Variants in LCLAT1 observed in about 807,000 individuals in gnomAD.
LCLAT1 encodes lysocardiolipin acyltransferase 1.
LCLAT1 carries 11 observed loss-of-function variants against 30.7 expected under a neutral mutation model. The observed-to-expected ratio is 0.36, with a 90% CI of 0.23 to 0.59. The LOEUF (loss-of-function observed/expected upper bound fraction) is 0.59, where lower values mean the gene tolerates loss of function less well. LCLAT1 is among the 20% of genes least tolerant of loss of function. The pLI, the probability that LCLAT1 is intolerant of heterozygous loss-of-function variation, is 0.77. For synonymous variants in LCLAT1, 155 were observed against 151.3 expected (o/e 1.02, Z -0.18); for missense variants, 402 against 458.6 (o/e 0.88, Z 1.13).
At chr2:30,481,492 G>A (rs1683320742) in intron 1 of LCLAT1, among the ~76,000 whole-genome samples, 1 of 152,098 alleles carries the variant, frequency 6.6e-6, no homozygotes, top group Admixed American at 6.6e-5. Context: ...CCAACTAGGA[G>A]AGAAGGATCA....
At chr2:30,481,240 A>C (rs1683305179) in intron 1 of LCLAT1, among the ~76,000 whole-genome samples, 1 of 152,238 alleles carries the variant, frequency 6.6e-6, no homozygotes, top group Admixed American at 6.5e-5. Flanking sequence ...AAGGCTTTTA[A>C]ACTGGGAAAT....
At chr2:30,611,135 C>G (rs1667718004) in intron 5 of LCLAT1, among the ~76,000 whole-genome samples, 1 of 140,108 alleles carries the variant, frequency 7.1e-6, no homozygotes, top group Non-Finnish European at 1.6e-5. Flanking sequence ...CATTTTTCTT[C>G]TGGCCTTTTT....
rs1328911153 is a variant in LCLAT1, at chr2:30,640,429, A to T, written c.941A>T (p.Tyr314Phe). The T allele has an allele frequency of 1.2e-6, 2 of 1,614,038 alleles. No homozygotes were observed. Among genetic ancestry groups the T allele is most frequent in the Non-Finnish European group, 1.7e-6 (2 of 1,180,030 alleles). ...GTGGTCAAATTGCTCTCTATACTGT[A>T]TTGGACCCTGTTCAGCCCTGCAATG... Reference protein sequence around the residue: ...VLVVKLLSILYWTLFSPAMCL... With the variant: ...VLVVKLLSILFWTLFSPAMCL... The change falls in exon 6 of 6, where the codon TAT becomes TTT. Residue 314 changes from tyrosine (Y) to phenylalanine (F), a missense_variant. Transcript: ENST00000379509.
intron 3 of LCLAT1, among the ~76,000 whole-genome samples, chr2:30,533,998 G>A (rs1364494593): frequency 1.3e-5 from 2 of 152,082 alleles, no homozygotes; most frequent in South Asian, 4.1e-4. Flanking sequence ...TTATTCACAT[G>A]GGTATATGAA....
At chr2:30,535,258 C>A (rs901374010) in intron 3 of LCLAT1, among the ~76,000 whole-genome samples, 1 of 152,154 alleles carries the variant, frequency 6.6e-6, no homozygotes, top group Admixed American at 6.5e-5. Flanking sequence ...CATAAGTGTT[C>A]AATTGATTTA....
chr2:30,449,815 C>A (rs1325567100), intron 1 of LCLAT1, among the ~76,000 whole-genome samples: 1 of 152,128 alleles, frequency 6.6e-6, no homozygotes, highest in Non-Finnish European at 1.5e-5. Context: ...TGACTAATTT[C>A]TATCAGGAAG....
At chr2:30,593,309 C>T (rs1156688374) in intron 5 of LCLAT1, among the ~76,000 whole-genome samples, 1 of 148,808 alleles carries the variant, frequency 6.7e-6, no homozygotes, top group Non-Finnish European at 1.5e-5. Context: ...CCCATTCATC[C>T]GTTGATAGAC....
chr2:30,456,934 A>C (rs1681867798), intron 1 of LCLAT1, among the ~76,000 whole-genome samples: 1 of 152,210 alleles, frequency 6.6e-6, no homozygotes, highest in Non-Finnish European at 1.5e-5. Flanking sequence ...AAGAAAATAC[A>C]GGGTGGAAAT....
intron 1 of LCLAT1, among the ~76,000 whole-genome samples, chr2:30,471,412 G>A (rs576593191): frequency 2.0e-5 from 3 of 151,320 alleles, no homozygotes; most frequent in Non-Finnish European, 4.4e-5. Flanking sequence ...GTTTCGCCAT[G>A]TTGCCCAGGC....
chr2:30,534,190 G>C (rs1278067965), intron 3 of LCLAT1, among the ~76,000 whole-genome samples: 1 of 151,134 alleles, frequency 6.6e-6, no homozygotes, highest in East Asian at 1.9e-4. Flanking sequence ...AGTAAGGATA[G>C]ACTAGCAAGG....
intron 1 of LCLAT1, among the ~76,000 whole-genome samples, chr2:30,517,456 C>T (rs1450101881): frequency 1.3e-5 from 2 of 152,194 alleles, no homozygotes; most frequent in Non-Finnish European, 2.9e-5. Flanking sequence ...GCTCTCCTCC[C>T]CCAATTTCTA....
chr2:30,469,842 T>C (rs1168697132), intron 1 of LCLAT1, among the ~76,000 whole-genome samples: 1 of 152,002 alleles, frequency 6.6e-6, no homozygotes, highest in Non-Finnish European at 1.5e-5. Flanking sequence ...ATCCACCTGC[T>C]TCGGCCTCCC....
chr2:30,475,241 C>A (rs888012082), intron 1 of LCLAT1, among the ~76,000 whole-genome samples: 2 of 152,050 alleles, frequency 1.3e-5, no homozygotes, highest in Non-Finnish European at 2.9e-5. Flanking sequence ...TCAAGTGATA[C>A]TTCTGTCTCA....
chr2:30,540,682 G>A (rs935387285), intron 3 of LCLAT1, among the ~76,000 whole-genome samples: 1 of 92,728 alleles, frequency 1.1e-5, no homozygotes, highest in Non-Finnish European at 2.2e-5. Flanking sequence ...TTTTTTTTTT[G>A]AGACAAAGTC....
At position 30,562,044 on chromosome 2, in the gene LCLAT1, AATAAT is replaced by A; in HGVS notation, c.365-98_365-94del. 4 of 709,932 alleles carry A rather than the reference AATAAT, an allele frequency of 5.6e-6. No homozygotes were observed. The South Asian group carries it at 1.3e-4, about 22-fold the overall frequency. 44.0% of individuals were successfully genotyped at this position (709,932 alleles called of 1,614,324 possible). A position where few individuals can be genotyped will look rare whatever the true frequency, so the allele number is the denominator to read the frequency against. On this transcript the variant is annotated intron_variant, in intron 3 of 5. Transcript: ENST00000379509. ...ATATCATGAAATGTTTACAATAATA[AATAAT>A]ATATAGTAAAACCAGAAAACTGAAA...
At chr2:30,541,985 C>T (rs1664163098) in intron 3 of LCLAT1, among the ~76,000 whole-genome samples, 1 of 152,094 alleles carries the variant, frequency 6.6e-6, no homozygotes, top group Admixed American at 6.6e-5. Context: ...TTTTGATCCT[C>T]TTCTCCTTTG....
chr2:30,561,504 C>G (rs1665220726), intron 3 of LCLAT1, among the ~76,000 whole-genome samples: 1 of 152,164 alleles, frequency 6.6e-6, no homozygotes, highest in Non-Finnish European at 1.5e-5. Flanking sequence ...GGCTGGTCAT[C>G]TAAAACATGG....
intron 5 of LCLAT1, among the ~76,000 whole-genome samples, chr2:30,624,459 G>C (rs922831789): frequency 1.3e-5 from 2 of 152,288 alleles, no homozygotes; most frequent in Non-Finnish European, 2.9e-5. Flanking sequence ...AAGTGAGCAG[G>C]AGTAGCTATT....
chr2:30,613,609 G>C (rs1451173626), intron 5 of LCLAT1, among the ~76,000 whole-genome samples: 3 of 136,152 alleles, frequency 2.2e-5, no homozygotes, highest in African/African-American at 8.6e-5. Context: ...TCAGCATATG[G>C]AGGATCCCGC....
Sources: allele counts gnomAD v4.1 joint callset (sites outside exome capture counted in the v4.1 genomes callset), GRCh38; gene constraint gnomAD v4.1.1; transcripts MANE v1.5; gene names NCBI Gene and HGNC (gene_info 2026-07-23, HGNC 2026-07-21).